TCOF1: variants seen among roughly 807,000 people sequenced by gnomAD.
TCOF1 encodes treacle ribosome biogenesis factor 1.
A neutral mutation model predicts 149.0 loss-of-function variants in TCOF1; 33 were observed. The observed-to-expected ratio is 0.22, with a 90% CI of 0.17 to 0.30. The LOEUF is 0.30. Among genes scored for constraint, TCOF1 ranks in the 10% least tolerant of loss-of-function variants. The pLI, the probability that TCOF1 is intolerant of heterozygous loss-of-function variation, is 1.00. For synonymous variants in TCOF1, 789 were observed against 738.8 expected (o/e 1.07, Z -1.10); for missense variants, 1,728 against 1,840.7 (o/e 0.94, Z 1.12).
chr5:150,388,039 C>T lies in TCOF1; in HGVS notation c.2997C>T (p.Ser999=), dbSNP rs747978148. 1.8e-5 allele frequency: 29 copies of T among 1,613,604 alleles called. No individual in the cohort carries two copies. The highest frequency in any genetic ancestry group is 1.4e-4 in the South Asian group (13 of 91,062). The part of the protein sequence containing the change: ...ASESTARSSS[S]ESEDEDVIPA... ...AGAGCACAGCCAGGAGCTCCTCCTC[C>T]GAGAGCGAGGATGAGGACGTGATCC... The change falls in exon 18 of 27, where the codon TCC becomes TCT. Residue 999 remains serine (S), a synonymous_variant. Transcript: ENST00000643257.
In TCOF1 at chr5:150,374,173, G is replaced by A; in HGVS notation, c.871-1G>A. On this transcript the variant is annotated splice_acceptor_variant, in intron 7 of 26. Transcript: ENST00000643257. LOFTEE classifies it high-confidence loss of function. The stretch of plus-strand genomic sequence containing the variant: ...GCAAGCTGCCCTTTCTTTTTCACCA[G>A]GTAAAGGCCTCTGAAAAAATTCTCC... 6.2e-7 allele frequency: 1 copy of A among 1,610,982 alleles called. No individual in the cohort carries two copies. Among genetic ancestry groups the A allele is most frequent in the Non-Finnish European group, 8.5e-7 (1 of 1,178,972 alleles).
chr5:150,399,099 C>G (rs755135732), intron 26 of TCOF1, 29 bp downstream of exon 26: 1 of 1,614,098 alleles, frequency 6.2e-7, no homozygotes, highest in South Asian at 1.1e-5. Context: ...CCTGAGCATT[C>G]AGGGTGGGAG....
intron 17 of TCOF1, among the ~76,000 whole-genome samples, chr5:150,382,252 G>A (rs1337450106): frequency 6.6e-6 from 1 of 152,202 alleles, no homozygotes; most frequent in East Asian, 1.9e-4. Context: ...CAAGAGGCCG[G>A]TAGTTCCCAT....
intron 17 of TCOF1, 142 bp downstream of exon 17, chr5:150,379,874 C>T (rs931744671): frequency 3.1e-6 from 3 of 981,620 alleles, no homozygotes; most frequent in Admixed American, 2.0e-5. Context: ...GGGTTCAAGA[C>T]CAGCCTGGCC....
chr5:150,366,256 TAGG>T (rs1364183966), intron 3 of TCOF1, among the ~76,000 whole-genome samples: 8 of 151,686 alleles, frequency 5.3e-5, no homozygotes, highest in Non-Finnish European at 8.8e-5. Context: ...GAGGCTGAGA[TAGG>T]AGAATCATGT....
intron 24 of TCOF1, among the ~76,000 whole-genome samples, chr5:150,397,233 A>AG (rs747795875): frequency 9.3e-4 from 141 of 151,142 alleles, no homozygotes; most frequent in Non-Finnish European, 1.4e-3. Flanking sequence ...CCCGAACTCG[A>AG]TTCCAGAGCA....
chr5:150,397,405 A>G (rs1240231053), intron 24 of TCOF1, among the ~76,000 whole-genome samples: 3 of 152,010 alleles, frequency 2.0e-5, no homozygotes, highest in Non-Finnish European at 1.5e-5. Context: ...CCCAAACCCC[A>G]TCTTGTCTCT....
In TCOF1 at chr5:150,379,272, C is replaced by T. The variant is rs762153126; in HGVS notation, c.2522C>T (p.Ala841Val). The T allele has an allele frequency of 1.1e-5, 17 of 1,614,176 alleles. No individual in the cohort carries two copies. Among genetic ancestry groups the T allele is most frequent in the Admixed American group, 3.3e-5 (2 of 60,028 alleles). ...AACCCCCAGAACAGTACCGTCTTGGCGAGGGGCCCAGCATCTGTGCCATCT... is the reference window on the plus strand; with the variant it reads ...AACCCCCAGAACAGTACCGTCTTGGTGAGGGGCCCAGCATCTGTGCCATCT... ...VRNPQNSTVL[A>V]RGPASVPSVG... The change falls in exon 16 of 27, where the codon GCG (alanine) becomes GTG (valine). Residue 841 changes from alanine (A) to valine (V), a missense_variant. Physicochemically the swap from Ala to Val is moderately conservative, Grantham distance 64. Transcript: ENST00000643257.
chr5:150,385,671 C>G (rs901431724), intron 17 of TCOF1, among the ~76,000 whole-genome samples: 2 of 152,178 alleles, frequency 1.3e-5, no homozygotes, highest in Admixed American at 1.3e-4. Flanking sequence ...GGAATGAAGG[C>G]ACAGTTAGAA....
intron 7 of TCOF1, among the ~76,000 whole-genome samples, chr5:150,373,619 G>A (rs893028856): frequency 1.3e-5 from 2 of 152,146 alleles, no homozygotes; most frequent in Non-Finnish European, 2.9e-5. Context: ...TGCAAACCTT[G>A]CCCCATGAGG....
At chr5:150,383,460 G>A (rs1290790183) in intron 17 of TCOF1, among the ~76,000 whole-genome samples, 2 of 152,246 alleles carry the variant, frequency 1.3e-5, no homozygotes, top group Non-Finnish European at 2.9e-5. Flanking sequence ...CCCTGTGTGA[G>A]GCTCAATGTT....
At position 150,389,872 on chromosome 5, in the gene TCOF1, C is replaced by T. The variant is rs1464325310; in HGVS notation, c.3047-15C>T. 6.2e-6 allele frequency: 10 copies of T among 1,614,100 alleles called. No homozygotes were observed. Among genetic ancestry groups the T allele is most frequent in the African/African-American group, 1.3e-5 (1 of 74,938 alleles). ...CTTTTGTGCCCTGATGTGCCCCCAT[C>T]TCGCTCCATTTCAGGCATCAGAACC... is the stretch of plus-strand genomic sequence containing the variant. On this transcript the variant is annotated splice_polypyrimidine_tract_variant and intron_variant, in intron 18 of 26. Coordinates refer to ENST00000643257, the MANE Select transcript of TCOF1 (RefSeq NM_001371623.1).
At chr5:150,368,923 G>A in intron 5 of TCOF1, 21 bp downstream of exon 5, 1 of 1,613,050 alleles carries the variant, frequency 6.2e-7, no homozygotes, top group Non-Finnish European at 8.5e-7. Context: ...CCCACCTCTA[G>A]GAACCTAGTC....
rs887807006 is a variant in TCOF1 at position 150,387,037 on chromosome 5, A to C, written c.2860-865A>C. ...CTCCTGAGCAGGCTCGTTTCACGCA[A>C]ACCCTCCACTCAGTTCCCCAACGCC... On this transcript the variant is annotated intron_variant, in intron 17 of 26. Transcript: ENST00000643257. 2.4e-4 allele frequency among the ~76,000 whole-genome samples: 37 copies of C among 152,322 alleles called. No individual in the cohort carries two copies. The East Asian group carries it at 6.9e-3, about 29-fold the overall frequency.
chr5:150,392,024 C>T lies in TCOF1; in HGVS notation c.3365C>T (p.Thr1122Ile), dbSNP rs1225305905. The T allele has an allele frequency of 1.1e-5, 18 of 1,614,142 alleles. No individual in the cohort carries two copies. In the Admixed American group the frequency reaches 3.0e-4, roughly 27 times the overall value. ...PQSTSVQAKG[T>I]NKLRKPKLPE... ...AGCACCTCCGTCCAGGCCAAAGGGACCAACAAGCTCAGAAAACCTAAGCTT... is the reference window on the plus strand; with the variant it reads ...AGCACCTCCGTCCAGGCCAAAGGGATCAACAAGCTCAGAAAACCTAAGCTT... The change falls in exon 21 of 27, where the codon ACC (threonine) becomes ATC (isoleucine). Residue 1122 changes from threonine to isoleucine, a missense_variant. Thr to Ile is a moderately conservative substitution (Grantham distance 89). Around this residue, in one of 2 missense-constraint regions of TCOF1, gnomAD observed 1,696 missense variants for 1,765.4 expected, o/e 0.96. Coordinates refer to ENST00000643257, the MANE Select transcript of TCOF1 (RefSeq NM_001371623.1).
chr5:150,378,168 G>C (rs1158317050), intron 14 of TCOF1, among the ~76,000 whole-genome samples: 1 of 152,126 alleles, frequency 6.6e-6, no homozygotes, highest in African/African-American at 2.4e-5. Context: ...CTGGGGGATG[G>C]GGTTGTTTTC....
rs1302495581 is a variant in TCOF1 at position 150,375,078 on chromosome 5, T to G, written c.1403T>G (p.Val468Gly). ...GGGCCTGCAGCCGCCCAGGTCCAGGTGGGGAAGCAGGAGGAGGACTCAAGA... is the reference window on the plus strand; with the variant it reads ...GGGCCTGCAGCCGCCCAGGTCCAGGGGGGGAAGCAGGAGGAGGACTCAAGA... The part of the protein sequence containing the change: ...KTGPAAAQVQ[V>G]GKQEEDSRSS... The change falls in exon 10 of 27, where the codon GTG (valine) becomes GGG (glycine). Residue 468 changes from valine (V) to glycine (G), a missense_variant. By Grantham distance (109) the Val-to-Gly change is moderately radical. This residue lies in a region of TCOF1 where 1,696 missense variants were observed against 1,765.4 expected (regional missense o/e 0.96). Transcript: ENST00000643257. 6.2e-7 allele frequency: 1 copy of G among 1,613,078 alleles called. No homozygotes were observed. The highest frequency in any genetic ancestry group is 1.1e-5 in the South Asian group (1 of 91,028).
chr5:150,358,125 T>C (rs1476074137), intron 1 of TCOF1, among the ~76,000 whole-genome samples: 1 of 152,174 alleles, frequency 6.6e-6, no homozygotes, highest in Non-Finnish European at 1.5e-5. Context: ...CCGCTTCCCT[T>C]ACCTCCACGC....
intron 7 of TCOF1, among the ~76,000 whole-genome samples, chr5:150,373,673 A>G (rs969825172): frequency 6.6e-6 from 1 of 152,180 alleles, no homozygotes; most frequent in African/African-American, 2.4e-5. Context: ...CCATGTGCAG[A>G]AAGTCCAGTG....
Sources: gnomAD v4.1 joint callset for allele counts (sites outside exome capture counted in the v4.1 genomes callset) on GRCh38, gnomAD v4.1.1 for gene constraint, gnomAD v4.1.1 regional missense constraint, MANE v1.5 for transcripts, NCBI Gene and HGNC (gene_info 2026-07-23, HGNC 2026-07-21) for gene names.